The following FRS2 variants were observed in gnomAD, a reference collection of about 807,000 sequenced individuals.
FRS2 encodes fibroblast growth factor receptor substrate 2.
Under a neutral mutation model 43.9 loss-of-function variants are expected in FRS2, and 8 were observed. The observed-to-expected ratio is 0.18, with a 90% CI of 0.11 to 0.33. FRS2 has a LOEUF of 0.33. Among genes scored for constraint, FRS2 ranks in the 10% least tolerant of loss-of-function variants. The pLI is 1.00. For missense variants in FRS2, 534 were observed against 627.6 expected, an observed-to-expected ratio of 0.85 and a Z score of 1.59; for synonymous variants, 219 against 220.3, an observed-to-expected ratio of 0.99 and a Z score of 0.05.
At chr12:69,535,035 T>C (rs139671447) in intron 3 of FRS2, among the ~76,000 whole-genome samples, 2 of 152,326 alleles carry the variant, frequency 1.3e-5, no homozygotes, top group Admixed American at 6.5e-5. Flanking sequence ...TGTATTTCTT[T>C]GGCACTGTAA....
At chr12:69,519,638 T>C (rs1028367165) in intron 1 of FRS2, among the ~76,000 whole-genome samples, 2 of 152,210 alleles carry the variant, frequency 1.3e-5, no homozygotes, top group African/African-American at 2.4e-5. Context: ...AGCTCTCACT[T>C]ATAAGCGAGA....
chr12:69,507,409 T>C (rs1874043086), intron 1 of FRS2, among the ~76,000 whole-genome samples: 1 of 152,230 alleles, frequency 6.6e-6, no homozygotes, highest in Admixed American at 6.5e-5. Flanking sequence ...TTTTTAAGCT[T>C]TTATAATACT....
chr12:69,560,385 A>AAG, intron 3 of FRS2, among the ~76,000 whole-genome samples: 2 of 152,348 alleles, frequency 1.3e-5, no homozygotes, highest in Admixed American at 1.3e-4. Flanking sequence ...CTGACGGTCA[A>AAG]AGGCATGCAG....
At chr12:69,480,858 T>G (rs1344745789) in intron 1 of FRS2, among the ~76,000 whole-genome samples, 1 of 152,214 alleles carries the variant, frequency 6.6e-6, no homozygotes, top group African/African-American at 2.4e-5. Context: ...GCTGTTTGTT[T>G]CTGCTGGCTG....
At chr12:69,571,903 C>T (rs1880797968) in intron 7 of FRS2, among the ~76,000 whole-genome samples, 2 of 152,002 alleles carry the variant, frequency 1.3e-5, no homozygotes, top group Admixed American at 6.6e-5. Context: ...AAAACACAGC[C>T]GTAGTTCTAA....
chr12:69,555,542 CT>C, intron 3 of FRS2, among the ~76,000 whole-genome samples: 1 of 152,170 alleles, frequency 6.6e-6, no homozygotes, highest in Non-Finnish European at 1.5e-5. Flanking sequence ...ACAATTGACC[CT>C]TTAACAACAC....
intron 3 of FRS2, 64 bp from the exon 4 acceptor site, chr12:69,562,116 A>G: frequency 2.5e-6 from 1 of 395,922 alleles, no homozygotes; most frequent in Non-Finnish European, 4.5e-6. Flanking sequence ...TGCTGCCAGA[A>G]AGCTCATAAG....
At chr12:69,485,135 A>ACACACACT (rs1299663612) in intron 1 of FRS2, among the ~76,000 whole-genome samples, 9 of 80,886 alleles carry the variant, frequency 1.1e-4, no homozygotes, top group Middle Eastern at 6.3e-3. Flanking sequence ...ACACACACAC[A>ACACACACT]CTCTCACCCC....
At chr12:69,563,235 T>C (rs1021036130) in intron 4 of FRS2, among the ~76,000 whole-genome samples, 1 of 152,134 alleles carries the variant, frequency 6.6e-6, no homozygotes, top group Non-Finnish European at 1.5e-5. Flanking sequence ...TATCTAGCCT[T>C]TTCCCTTGCC....
At chr12:69,486,018 T>C (rs985731730) in intron 1 of FRS2, among the ~76,000 whole-genome samples, 4 of 152,216 alleles carry the variant, frequency 2.6e-5, no homozygotes, top group African/African-American at 9.6e-5. Context: ...TGTAGATGGG[T>C]ACTTTGATTA....
intron 1 of FRS2, among the ~76,000 whole-genome samples, chr12:69,471,657 T>A (rs1259685515): frequency 6.6e-6 from 1 of 152,256 alleles, no homozygotes; most frequent in Non-Finnish European, 1.5e-5. Context: ...TGCTGAAAGG[T>A]TTGTAGGAAA....
chr12:69,570,776 A>G (rs1880688285), intron 6 of FRS2, among the ~76,000 whole-genome samples: 1 of 152,216 alleles, frequency 6.6e-6, no homozygotes, highest in South Asian at 2.1e-4. Context: ...AAGTGTCTTT[A>G]TCATTGATTT....
rs1881083222 is a variant in FRS2 at position 69,574,931 on chromosome 12, C to A, written c.1503C>A (p.His501Gln). ...RDDGTSRKTR[H>Q]NSTDLPM The stretch of plus-strand genomic sequence containing the variant: ...ATGGTACATCTAGGAAAACTAGACA[C>A]AATAGTACTGATCTGCCCATGTGAG... Residue 501 changes from histidine (H) to glutamine (Q), a missense_variant, in exon 9 of 9, where the codon CAC becomes CAA. Coordinates refer to ENST00000549921, the MANE Select transcript of FRS2 (RefSeq NM_001278356.2). 2 of 1,608,330 alleles carry A rather than the reference C, an allele frequency of 1.2e-6. No homozygotes were observed. The highest frequency in any genetic ancestry group is 1.7e-6 in the Non-Finnish European group (2 of 1,174,972).
At chr12:69,548,020 T>A (rs1457054589) in intron 3 of FRS2, among the ~76,000 whole-genome samples, 10 of 152,052 alleles carry the variant, frequency 6.6e-5, no homozygotes, top group South Asian at 6.2e-4. Context: ...CTAAGTTTTT[T>A]TTATTATTAT....
intron 1 of FRS2, among the ~76,000 whole-genome samples, chr12:69,495,050 C>A (rs1305664732): frequency 1.3e-5 from 2 of 152,158 alleles, no homozygotes; most frequent in Non-Finnish European, 2.9e-5. Flanking sequence ...GGATTACAGG[C>A]ATGAACCACC....
At chr12:69,573,020 A>G (rs1466667562) in intron 8 of FRS2, among the ~76,000 whole-genome samples, 2 of 152,110 alleles carry the variant, frequency 1.3e-5, no homozygotes, top group South Asian at 4.1e-4. Context: ...TTTAGTAGAG[A>G]CCGGGTTTCA....
intron 1 of FRS2, among the ~76,000 whole-genome samples, chr12:69,516,739 GTTAT>G (rs1283064331): frequency 6.6e-6 from 1 of 152,090 alleles, no homozygotes; most frequent in Non-Finnish European, 1.5e-5. Context: ...TATGAGAAAT[GTTAT>G]TTCTTTATAA....
chr12:69,555,355 A>G (rs1879246727), intron 3 of FRS2, among the ~76,000 whole-genome samples: 1 of 151,978 alleles, frequency 6.6e-6, no homozygotes, highest in African/African-American at 2.4e-5. Context: ...CTTTTTTCTT[A>G]TACTTAATTT....
intron 1 of FRS2, among the ~76,000 whole-genome samples, chr12:69,525,595 AT>A (rs1019662813): frequency 2.0e-5 from 3 of 152,208 alleles, no homozygotes; most frequent in Non-Finnish European, 4.4e-5. Flanking sequence ...CTTAAAAAAA[AT>A]AAAGTTGTAT....
Sources: allele counts gnomAD v4.1 joint callset (sites outside exome capture counted in the v4.1 genomes callset), GRCh38; gene constraint gnomAD v4.1.1; transcripts MANE v1.5; gene names NCBI Gene and HGNC (gene_info 2026-07-23, HGNC 2026-07-21).